Variants in DOK6 observed in about 807,000 individuals in gnomAD.
The protein encoded by DOK6 is downstream of tyrosine kinase 6.
Under a neutral mutation model 44.0 loss-of-function variants are expected in DOK6, and 22 were observed. The ratio of observed to expected loss-of-function variants is 0.50; its 90% confidence interval spans 0.36 to 0.71. DOK6 has a LOEUF of 0.71. Among genes scored for constraint, DOK6 ranks in the 30% least tolerant of loss-of-function variants. DOK6 has a pLI of 0.00. For missense variants in DOK6, 340 were observed against 416.4 expected (o/e 0.82, Z 1.60); for synonymous variants, 166 against 145.5 (o/e 1.14, Z -1.01).
At chr18:69,658,457 A>G (rs995070032) in intron 3 of DOK6, among the ~76,000 whole-genome samples, 3 of 152,228 alleles carry the variant, frequency 2.0e-5, no homozygotes, top group African/African-American at 7.2e-5. Context: ...TTTTAAAATA[A>G]GTATTGTTGT....
intron 5 of DOK6, among the ~76,000 whole-genome samples, chr18:69,723,059 A>G (rs371235560): frequency 6.6e-6 from 1 of 152,328 alleles, no homozygotes; most frequent in East Asian, 1.9e-4. Flanking sequence ...ATCCTAATCA[A>G]CTATAAGTAT....
chr18:69,701,843 C>T (rs1986527029), intron 5 of DOK6, among the ~76,000 whole-genome samples: 1 of 152,104 alleles, frequency 6.6e-6, no homozygotes, highest in African/African-American at 2.4e-5. Flanking sequence ...ATATGTCATA[C>T]AATTAAGGAT....
chr18:69,647,959 T>G (rs1320753887), intron 3 of DOK6, among the ~76,000 whole-genome samples: 1 of 152,082 alleles, frequency 6.6e-6, no homozygotes, highest in Non-Finnish European at 1.5e-5. Context: ...CAGAATGAAT[T>G]TATCTTTATT....
intron 7 of DOK6, among the ~76,000 whole-genome samples, chr18:69,800,005 A>G (rs1980855578): frequency 6.6e-6 from 1 of 152,154 alleles, no homozygotes; most frequent in Non-Finnish European, 1.5e-5. Flanking sequence ...AATTGAAATC[A>G]GCAGGAAAGA....
chr18:69,540,686 T>A (rs1982245329), intron 1 of DOK6, among the ~76,000 whole-genome samples: 1 of 152,214 alleles, frequency 6.6e-6, no homozygotes, highest in Non-Finnish European at 1.5e-5. Flanking sequence ...GATTACGGTA[T>A]GTATATTCAA....
chr18:69,507,784 T>C (rs566937259), intron 1 of DOK6, among the ~76,000 whole-genome samples: 56 of 152,176 alleles, frequency 3.7e-4, no homozygotes, highest in Non-Finnish European at 6.0e-4. Flanking sequence ...TTCTTTGGAA[T>C]TTCATGAATA....
intron 2 of DOK6, among the ~76,000 whole-genome samples, chr18:69,575,031 A>G (rs932718518): frequency 6.6e-5 from 10 of 152,064 alleles, no homozygotes; most frequent in Admixed American, 2.6e-4. Flanking sequence ...CCTTCAGGCC[A>G]TGGTGAAAAG....
chr18:69,504,120 T>C (rs989268264), intron 1 of DOK6, among the ~76,000 whole-genome samples: 5 of 152,014 alleles, frequency 3.3e-5, no homozygotes, highest in Admixed American at 3.3e-4. Flanking sequence ...TGAGAGTTAA[T>C]GGGATAAGTT....
Position 69,722,476 on chromosome 18 carries a change from G to A in DOK6, c.600-16489G>A, listed in dbSNP as rs1283831448. Among the ~76,000 whole-genome samples the A allele has an allele frequency of 7.9e-5, 12 of 152,274 alleles. No homozygotes were observed. In the East Asian group the frequency reaches 2.1e-3, roughly 27 times the overall value. On this transcript the variant is annotated intron_variant, in intron 5 of 7. Coordinates refer to ENST00000382713, the MANE Select transcript of DOK6 (RefSeq NM_152721.6). Reference sequence around the variant, plus strand: ...TCTCCCCAAAATGCCCATCGCTTTGGTGCCTGTCTCAGAGAGGCTTGTAGA... The same window carrying A: ...TCTCCCCAAAATGCCCATCGCTTTGATGCCTGTCTCAGAGAGGCTTGTAGA...
chr18:69,807,584 G>A (rs1382806081), intron 7 of DOK6, among the ~76,000 whole-genome samples: 9 of 151,936 alleles, frequency 5.9e-5, no homozygotes, highest in Non-Finnish European at 1.0e-4. Flanking sequence ...TAGACTGAAA[G>A]TAAAATGATA....
Position 69,495,002 on chromosome 18 carries a change from G to A in DOK6, c.67-69485G>A, listed in dbSNP as rs1183726029. Among the ~76,000 whole-genome samples the A allele has an allele frequency of 2.6e-5, 4 of 152,212 alleles. No individual in the cohort carries two copies. The East Asian group carries it at 7.7e-4, about 29-fold the overall frequency. ...AGCCAGGTGTGGAGCAGCAAGGGGT[G>A]TGTGAGGGAGCAAGCATTGGGTCCA... On this transcript the variant is annotated intron_variant, in intron 1 of 7. Transcript: ENST00000382713.
chr18:69,705,219 C>G (rs1213911838), intron 5 of DOK6: 3 of 152,178 alleles, frequency 2.0e-5, no homozygotes, highest in African/African-American at 7.2e-5. Flanking sequence ...TAGTAGAGAT[C>G]TGAAGGTTAC....
chr18:69,677,875 A>G (rs775451079), intron 4 of DOK6, 22 bp downstream of exon 4: 17 of 1,610,338 alleles, frequency 1.1e-5, no homozygotes, highest in African/African-American at 6.7e-5. Context: ...ATTGCCTTCC[A>G]TCACTTCAGA....
intron 5 of DOK6, among the ~76,000 whole-genome samples, chr18:69,731,220 ACT>A (rs1345493134): frequency 7.9e-5 from 12 of 152,314 alleles, no homozygotes; most frequent in Admixed American, 2.6e-4. Flanking sequence ...TCATCTACTC[ACT>A]GAGTTTTTAA....
At position 69,842,327 on chromosome 18, in the gene DOK6, T is replaced by A. The variant is rs1982249191; in HGVS notation, c.*944T>A. ...GTTTCCTTGTTGCTGACAATGTTGC[T>A]CCCTGTGGCCATCCATCTGAGCTAC... On this transcript the variant is annotated 3_prime_UTR_variant, in exon 8 of 8. Transcript: ENST00000382713. The A allele has an allele frequency of 6.6e-6, 1 of 152,158 alleles. No homozygotes were observed. The highest frequency in any genetic ancestry group is 1.5e-5 in the Non-Finnish European group (1 of 68,046). The allele number at this position is 152,158 out of a possible 1,614,324, so 9.4% of individuals were successfully genotyped here.
intron 5 of DOK6, among the ~76,000 whole-genome samples, chr18:69,733,551 C>T (rs1248725178): frequency 6.6e-6 from 1 of 152,168 alleles, no homozygotes; most frequent in Non-Finnish European, 1.5e-5. Context: ...CTTATCCACC[C>T]ACTTTACATT....
At position 69,564,571 on chromosome 18, in the gene DOK6, G is replaced by T. The variant is rs751387222; in HGVS notation, c.151G>T (p.Ala51Ser). The change falls in exon 2 of 8, where the codon GCT (alanine) becomes TCT (serine). Residue 51 changes from alanine to serine, a missense_variant. Ala to Ser is a moderately conservative substitution (Grantham distance 99). Around this residue, in one of 3 missense-constraint regions of DOK6, gnomAD observed 206 missense variants for 258.6 expected, o/e 0.80. Transcript: ENST00000382713. ...AGAAAAATTTCCAGATGAAAAGGCA[G>T]CTTATTTCAGAAACTTTCATAAGGT... is the stretch of plus-strand genomic sequence containing the variant. ...RLEKFPDEKA[A>S]YFRNFHKVTE... 3.7e-6 allele frequency: 6 copies of T among 1,613,702 alleles called. No homozygotes were observed. The Admixed American group carries it at 1.0e-4, about 27-fold the overall frequency.
At chr18:69,421,553 A>G (rs1161635657) in intron 1 of DOK6, among the ~76,000 whole-genome samples, 1 of 152,132 alleles carries the variant, frequency 6.6e-6, no homozygotes, top group Admixed American at 6.6e-5. Context: ...GCCCTATACC[A>G]TTTTACCTAT....
rs144962344 is a variant in DOK6 at position 69,564,552 on chromosome 18, A to G, written c.132A>G (p.Lys44=). The G allele has an allele frequency of 1.2e-6, 2 of 1,613,772 alleles. No homozygotes were observed. The highest frequency in any genetic ancestry group is 2.7e-5 in the African/African-American group (2 of 74,920). The change falls in exon 2 of 8, where the codon AAA becomes AAG. Residue 44 remains lysine (K), a synonymous_variant. Transcript: ENST00000382713. ...GCAAAGGACCCAGAAGGTTAGAAAA[A>G]TTTCCAGATGAAAAGGCAGCTTATT... ...ASSKGPRRLE[K]FPDEKAAYFR...
Sources: allele counts gnomAD v4.1 joint callset (sites outside exome capture counted in the v4.1 genomes callset), GRCh38; gene constraint gnomAD v4.1.1; regional missense constraint gnomAD v4.1.1; transcripts MANE v1.5; gene names NCBI Gene and HGNC (gene_info 2026-07-23, HGNC 2026-07-21).